RTF1: variants seen among roughly 807,000 people sequenced by gnomAD.
RTF1 encodes the protein RTF1 homolog, Paf1/RNA polymerase II complex component.
In RTF1, 10 loss-of-function variants were observed where a neutral mutation model predicts 95.7. That is an observed-to-expected ratio of 0.10 (90% confidence interval 0.06 to 0.18). The LOEUF is 0.18. Among genes scored for constraint, RTF1 ranks in the 10% least tolerant of loss-of-function variants. The pLI is 1.00. For missense variants in RTF1, 458 were observed against 875.6 expected (o/e 0.52, Z 6.02); for synonymous variants, 305 against 311.8 (o/e 0.98, Z 0.23).
At chr15:41,467,862 T>C (rs1480208922) in intron 6 of RTF1, among the ~76,000 whole-genome samples, 4 of 151,742 alleles carry the variant, frequency 2.6e-5, no homozygotes, top group Admixed American at 2.6e-4. Flanking sequence ...CCATCTCTAC[T>C]AAAAATAATA....
At chr15:41,469,744 C>T (rs960988848) in intron 6 of RTF1, among the ~76,000 whole-genome samples, 6 of 152,002 alleles carry the variant, frequency 3.9e-5, no homozygotes, top group Admixed American at 6.6e-5. Context: ...AAGCTGGTCT[C>T]GAACTCCTGA....
intron 1 of RTF1, among the ~76,000 whole-genome samples, chr15:41,437,388 C>A (rs1009845568): frequency 1.9e-4 from 29 of 150,898 alleles, no homozygotes; most frequent in African/African-American, 6.8e-4. Context: ...GACAGCTACT[C>A]GGGAGGCTGA....
intron 17 of RTF1, 116 bp from the exon 18 acceptor site, chr15:41,480,465 G>A: frequency 2.1e-6 from 2 of 952,996 alleles, no homozygotes; most frequent in South Asian, 1.4e-5. Context: ...AAGACAGGCT[G>A]TGGGTATGGT....
intron 1 of RTF1, among the ~76,000 whole-genome samples, chr15:41,421,514 T>G (rs1029349109): frequency 1.3e-5 from 2 of 151,262 alleles, no homozygotes; most frequent in African/African-American, 4.9e-5. Context: ...GCCTCTAGTC[T>G]CAGCTACTTG....
intron 1 of RTF1, among the ~76,000 whole-genome samples, chr15:41,418,154 G>T (rs2050581521): frequency 6.6e-6 from 1 of 152,152 alleles, no homozygotes; most frequent in Admixed American, 6.6e-5. Flanking sequence ...AACATTGTAG[G>T]GAGGAATCTG....
rs773306879 is a variant in RTF1 at position 41,438,311 on chromosome 15, G to C, written c.199-10G>C. ...GAACAAAACTGATGTGCCTATTTTT[G>C]TCCCATTAGGAGCTCTTGTCCCTGG... On this transcript the variant is annotated splice_polypyrimidine_tract_variant and intron_variant, in intron 1 of 17. Coordinates refer to ENST00000389629, the MANE Select transcript of RTF1 (RefSeq NM_015138.5). The C allele has an allele frequency of 6.5e-7, 1 of 1,535,414 alleles. No individual in the cohort carries two copies. The highest frequency in any genetic ancestry group is 1.4e-5 in the African/African-American group (1 of 72,344).
intron 2 of RTF1, among the ~76,000 whole-genome samples, chr15:41,450,410 A>G (rs2050784094): frequency 1.3e-5 from 2 of 150,790 alleles, no homozygotes; most frequent in Admixed American, 6.6e-5. Context: ...ACATGGAGAA[A>G]CCCCGTCTCT....
At chr15:41,417,911 T>C (rs2050579777) in intron 1 of RTF1, among the ~76,000 whole-genome samples, 1 of 151,354 alleles carries the variant, frequency 6.6e-6, no homozygotes, top group South Asian at 2.1e-4. Flanking sequence ...AGAAGGGCCC[T>C]TGTTGAGGTG....
At chr15:41,419,597 G>T (rs376280371) in intron 1 of RTF1, among the ~76,000 whole-genome samples, 2 of 152,098 alleles carry the variant, frequency 1.3e-5, no homozygotes, top group Non-Finnish European at 2.9e-5. Flanking sequence ...GAGGAAATTG[G>T]TACATACATT....
intron 14 of RTF1, 141 bp downstream of exon 14, chr15:41,477,656 C>T (rs558382691): frequency 4.7e-5 from 33 of 702,818 alleles, no homozygotes; most frequent in South Asian, 7.0e-5. Flanking sequence ...TGTATGTCCA[C>T]GTACATCGAT....
chr15:41,426,479 G>T (rs927015002), intron 1 of RTF1, among the ~76,000 whole-genome samples: 1 of 151,564 alleles, frequency 6.6e-6, no homozygotes, highest in African/African-American at 2.4e-5. Context: ...CTAATTTTTT[G>T]TATTTTTAGT....
At chr15:41,432,821 C>G (rs894071517) in intron 1 of RTF1, among the ~76,000 whole-genome samples, 1 of 152,082 alleles carries the variant, frequency 6.6e-6, no homozygotes, top group Non-Finnish European at 1.5e-5. Flanking sequence ...CACCTGTAAT[C>G]CCAGCTACTT....
intron 1 of RTF1, among the ~76,000 whole-genome samples, chr15:41,426,791 G>A (rs2050634798): frequency 7.8e-6 from 1 of 127,968 alleles, no homozygotes; most frequent in Non-Finnish European, 1.7e-5. Context: ...ATGTGTGTGT[G>A]TGTGTGTGTG....
intron 1 of RTF1, among the ~76,000 whole-genome samples, chr15:41,419,891 C>T (rs2050591453): frequency 6.6e-6 from 1 of 152,180 alleles, no homozygotes; most frequent in African/African-American, 2.4e-5. Flanking sequence ...ACAATCTCAA[C>T]TCACTGCAAC....
rs969289060 is a variant in RTF1 at position 41,474,633 on chromosome 15, C to T, written c.1217C>T (p.Thr406Met). The part of the protein sequence containing the change: ...SKPVYRVAEI[T>M]GVVETAKVYQ... ...CCTCTCACTTAGGTCGCTGAGATTA[C>T]GGGTGTTGTGGAAACTGCCAAAGTT... is the stretch of plus-strand genomic sequence containing the variant. The change falls in exon 9 of 18, where the codon ACG (threonine) becomes ATG (methionine). Residue 406 changes from threonine to methionine, a missense_variant. Physicochemically the swap from Thr to Met is moderately conservative, Grantham distance 81 (BLOSUM62 -1). Transcript: ENST00000389629. 5.0e-6 allele frequency: 8 copies of T among 1,613,480 alleles called. No individual in the cohort carries two copies. Among genetic ancestry groups the T allele is most frequent in the Admixed American group, 1.7e-5 (1 of 60,000 alleles).
At chr15:41,432,525 C>T (rs2050680603) in intron 1 of RTF1, among the ~76,000 whole-genome samples, 1 of 152,024 alleles carries the variant, frequency 6.6e-6, no homozygotes, top group Admixed American at 6.6e-5. Flanking sequence ...AGCGGAACCT[C>T]CTTAACAGGA....
chr15:41,419,316 T>A (rs8027626), intron 1 of RTF1, among the ~76,000 whole-genome samples: 479 of 152,042 alleles, frequency 3.2e-3, no homozygotes, highest in Non-Finnish European at 5.5e-3. Flanking sequence ...TGTTTAGATT[T>A]TCAAGTTTTC....
Position 41,470,312 on chromosome 15 carries a change from T to C in RTF1, c.945T>C (p.Asp315=), listed in dbSNP as rs940806391. The C allele has an allele frequency of 1.4e-5, 22 of 1,614,094 alleles. No homozygotes were observed. The highest frequency in any genetic ancestry group is 1.7e-5 in the Admixed American group (1 of 60,012). The part of the protein sequence containing the change: ...PLKTSEVYSD[D]EEEEEDDKSS... ...AAACCAGTGAGGTCTACTCTGATGA[T>C]GAAGAGGAGGAAGAGGATGACAAAT... The change falls in exon 7 of 18, where the codon GAT becomes GAC. Residue 315 remains aspartate, a synonymous_variant. Coordinates refer to ENST00000389629, the MANE Select transcript of RTF1 (RefSeq NM_015138.5).
At chr15:41,463,913 G>A (rs1008092594) in intron 4 of RTF1, among the ~76,000 whole-genome samples, 3 of 151,508 alleles carry the variant, frequency 2.0e-5, no homozygotes, top group Non-Finnish European at 2.9e-5. Flanking sequence ...GTGCAGTGGC[G>A]TGATCTTGGC....
Sources: allele counts gnomAD v4.1 joint callset (sites outside exome capture counted in the v4.1 genomes callset), GRCh38; gene constraint gnomAD v4.1.1; transcripts MANE v1.5; gene names NCBI Gene and HGNC (gene_info 2026-07-23, HGNC 2026-07-21).